TRPV4: variants seen among roughly 807,000 people sequenced by gnomAD.
TRPV4 encodes OSM9-like transient receptor potential channel 4.
TRPV4 carries 58 observed loss-of-function variants against 84.1 expected under a neutral mutation model. That is an observed-to-expected ratio of 0.69 (90% CI 0.56 to 0.86). TRPV4 has a LOEUF of 0.86. TRPV4 is among the 40% of genes least tolerant of loss of function. TRPV4 has a pLI of 0.00. For synonymous variants in TRPV4, 489 were observed against 500.9 expected (o/e 0.98, Z 0.32); for missense variants, 879 against 1,181.1 (o/e 0.74, Z 3.75).
At chr12:109,808,612 G>A in intron 2 of TRPV4, 144 bp from the exon 3 acceptor site, 1 of 722,362 alleles carries the variant, frequency 1.4e-6, no homozygotes, top group Non-Finnish European at 2.3e-6. Flanking sequence ...TGGGGCAGAT[G>A]TAAAAACTAA....
chr12:109,785,704 C>T (rs1186339470), intron 14 of TRPV4, among the ~76,000 whole-genome samples: 3 of 151,812 alleles, frequency 2.0e-5, no homozygotes, highest in African/African-American at 7.2e-5. Context: ...CAAGCACGAG[C>T]CACCACACCC....
At chr12:109,832,631 T>A (rs1892442847) in intron 1 of TRPV4, 1 of 152,886 alleles carries the variant, frequency 6.5e-6, no homozygotes. Context: ...ATTGTCTAGA[T>A]CCCCGACCTA....
intron 1 of TRPV4, among the ~76,000 whole-genome samples, chr12:109,828,250 T>C (rs533342663): frequency 6.6e-6 from 1 of 152,218 alleles, no homozygotes; most frequent in African/African-American, 2.4e-5. Flanking sequence ...CCTGGTGTGG[T>C]CTCGTGTGAT....
At chr12:109,800,576 C>T (rs1288196695) in intron 5 of TRPV4, 42 bp downstream of exon 5, 2 of 1,612,732 alleles carry the variant, frequency 1.2e-6, no homozygotes, top group South Asian at 2.2e-5. Flanking sequence ...TCCCGCCATG[C>T]TTCTCCAGCA....
chr12:109,806,594 C>T (rs538195922), intron 3 of TRPV4, among the ~76,000 whole-genome samples: 1 of 151,544 alleles, frequency 6.6e-6, no homozygotes, highest in East Asian at 2.0e-4. Context: ...GTGGCTCATG[C>T]CTGTAATCCC....
chr12:109,785,962 A>G (rs1592816064), intron 14 of TRPV4, among the ~76,000 whole-genome samples: 1 of 152,206 alleles, frequency 6.6e-6, no homozygotes, highest in East Asian at 2.0e-4. Context: ...GCAGTCAGCT[A>G]TGATCACACC....
At chr12:109,817,640 C>T (rs1001819997) in intron 1 of TRPV4, among the ~76,000 whole-genome samples, 1 of 152,220 alleles carries the variant, frequency 6.6e-6, no homozygotes, top group African/African-American at 2.4e-5. Flanking sequence ...TCATGATTAG[C>T]ATTCTAATTA....
At position 109,786,742 on chromosome 12, in the gene TRPV4, C is replaced by A. The variant is rs138986228; in HGVS notation, c.2304G>T (p.Ser768=). ...SGEMVTVGKS[S]DGTPDRRWCF... is the part of the protein sequence containing the mutation. Reference sequence around the variant, plus strand: ...ACCACCTGCGGTCAGGAGTGCCGTCCGAGCTCTTGCCCACGGTGACCATCT... The same window carrying A: ...ACCACCTGCGGTCAGGAGTGCCGTCAGAGCTCTTGCCCACGGTGACCATCT... Residue 768 remains serine, a synonymous_variant, in exon 14 of 16, where the codon TCG becomes TCT. Transcript: ENST00000261740. This position sits in a 1 kb window ranked among gnomAD's most constrained non-coding sequence, Gnocchi z 4.5. 1 of 1,613,926 alleles carries A rather than the reference C, an allele frequency of 6.2e-7. No homozygotes were observed. The highest frequency in any genetic ancestry group is 2.2e-5 in the East Asian group (1 of 44,880).
intron 2 of TRPV4, among the ~76,000 whole-genome samples, chr12:109,808,724 C>T (rs1891303105): frequency 6.6e-6 from 1 of 152,118 alleles, no homozygotes; most frequent in Non-Finnish European, 1.5e-5. Flanking sequence ...TCCACCCATC[C>T]ATCCACACAT....
Position 109,809,368 on chromosome 12 carries a change from C to A in TRPV4, c.387-900G>T, listed in dbSNP as rs575899569. On this transcript the variant is annotated intron_variant, in intron 2 of 15. Transcript: ENST00000261740. ...GCATCCACCCATCCACCTACCCACC[C>A]ATCATCCATCCACCCATTCATCCAT... Among the ~76,000 whole-genome samples the A allele has an allele frequency of 7.4e-5, 11 of 148,716 alleles. No individual in the cohort carries two copies. In the East Asian group the frequency reaches 2.3e-3, roughly 31 times the overall value.
chr12:109,822,577 G>A (rs776680030), intron 1 of TRPV4, among the ~76,000 whole-genome samples: 1 of 152,194 alleles, frequency 6.6e-6, no homozygotes, highest in Non-Finnish European at 1.5e-5. Flanking sequence ...GGGGGAGGCA[G>A]GATTAGAACC....
intron 3 of TRPV4, 59 bp from the exon 4 acceptor site, chr12:109,803,202 G>A (rs1270707736): frequency 2.1e-5 from 34 of 1,600,016 alleles, no homozygotes; most frequent in Non-Finnish European, 2.9e-5. Flanking sequence ...TGAACTTCCA[G>A]GCATCGGGGT....
chr12:109,791,873 T>G (rs906210052), intron 12 of TRPV4, among the ~76,000 whole-genome samples: 2 of 152,068 alleles, frequency 1.3e-5, no homozygotes, highest in African/African-American at 4.8e-5. Flanking sequence ...TAAAGGCACT[T>G]AGCTTACAGG....
intron 12 of TRPV4, among the ~76,000 whole-genome samples, chr12:109,790,882 C>T (rs1370725543): frequency 6.6e-6 from 1 of 152,206 alleles, no homozygotes; most frequent in Non-Finnish European, 1.5e-5. Context: ...CCTAAGGCCA[C>T]CATGTGGACA....
At position 109,794,311 on chromosome 12, in the gene TRPV4, C is replaced by T. The variant is rs773214929; in HGVS notation, c.1491+18G>A. 1.6e-5 allele frequency: 25 copies of T among 1,610,396 alleles called. No homozygotes were observed. Among genetic ancestry groups the T allele is most frequent in the African/African-American group, 1.3e-4 (10 of 74,912 alleles). On this transcript the variant is annotated intron_variant, in intron 8 of 15. Transcript: ENST00000261740. ...CCCAGTGCCTGCCCCAGCCCCTGCC[C>T]GGTCCCCGGGCACTCACTGTGCCCT... is the stretch of plus-strand genomic sequence containing the variant.
rs12315230 is a variant in TRPV4 at position 109,808,624 on chromosome 12, T to G, written c.387-156A>C. 0.016 allele frequency among the ~76,000 whole-genome samples: 2,438 copies of G among 152,220 alleles called. 56 individuals are homozygous for G. Among genetic ancestry groups the G allele is most frequent in the African/African-American group, 0.055 (2,300 of 41,512 alleles). Reference sequence around the variant, plus strand: ...AGTTGGGGCAGATGTAAAAACTAAGTAATGTTTTATCCAACAAACTATAGC... The same window carrying G: ...AGTTGGGGCAGATGTAAAAACTAAGGAATGTTTTATCCAACAAACTATAGC... On this transcript the variant is annotated intron_variant, in intron 2 of 15. Transcript: ENST00000261740.
At position 109,805,635 on chromosome 12, in the gene TRPV4, G is replaced by A. The variant is rs180916456; in HGVS notation, c.560-2492C>T. Among the ~76,000 whole-genome samples, 6 of 152,274 alleles carry A rather than the reference G, an allele frequency of 3.9e-5. No homozygotes were observed. The East Asian group carries it at 5.8e-4, about 15-fold the overall frequency. ...CATGACCTTTTAGCCATGCAGGGAC[G>A]GATCCAGGTTTTGTGGGACGTAGAC... On this transcript the variant is annotated intron_variant, in intron 3 of 15. Coordinates refer to ENST00000261740, the MANE Select transcript of TRPV4 (RefSeq NM_021625.5).
In TRPV4 at chr12:109,814,625, C is replaced by A. The variant is rs372512360; in HGVS notation, c.172G>T (p.Ala58Ser). 1 of 1,613,864 alleles carries A rather than the reference C, an allele frequency of 6.2e-7. No individual in the cohort carries two copies. Among genetic ancestry groups the A allele is most frequent in the African/African-American group, 1.3e-5 (1 of 74,936 alleles). ...TTTGGTCGCCCATCGCCTGGGCCAG[C>A]AGGGCGACTGGCATCAGCCGGTGAG... ...SPSPADASRP[A>S]GPGDGRPNLR... The change falls in exon 2 of 16, where the codon GCT becomes TCT. Residue 58 changes from alanine (A) to serine (S), a missense_variant. Transcript: ENST00000261740. This position sits in a 1 kb window ranked among gnomAD's most constrained non-coding sequence, Gnocchi z 5.4.
rs778014423 is a variant in TRPV4, at chr12:109,786,773, G to C, written c.2273C>G (p.Ser758Cys). 3.7e-6 allele frequency: 6 copies of C among 1,614,022 alleles called. No individual in the cohort carries two copies. The highest frequency in any genetic ancestry group is 5.1e-6 in the Non-Finnish European group (6 of 1,180,024). ...CTTGCCCACGGTGACCATCTCCCCAGAGCGGAAGGCCTTCCTCAGGAATAC... is the reference window on the plus strand; with the variant it reads ...CTTGCCCACGGTGACCATCTCCCCACAGCGGAAGGCCTTCCTCAGGAATAC... ...FPVFLRKAFR[S>C]GEMVTVGKSS... Residue 758 changes from serine (S) to cysteine (C), a missense_variant, in exon 14 of 16, where the codon TCT becomes TGT. Ser to Cys is a moderately radical substitution (Grantham distance 112, BLOSUM62 -1). This residue lies in a region of TRPV4 where 242 missense variants were observed against 355.3 expected (regional missense o/e 0.68). Coordinates refer to ENST00000261740, the MANE Select transcript of TRPV4 (RefSeq NM_021625.5). This position sits in a 1 kb window ranked among gnomAD's most constrained non-coding sequence, Gnocchi z 4.5.
Sources: allele counts gnomAD v4.1 joint callset (sites outside exome capture counted in the v4.1 genomes callset), GRCh38; gene constraint gnomAD v4.1.1; regional missense constraint gnomAD v4.1.1; non-coding constraint Gnocchi (gnomAD v3.1); transcripts MANE v1.5; gene names NCBI Gene and HGNC (gene_info 2026-07-23, HGNC 2026-07-21).